IQCM: variants seen among roughly 807,000 people sequenced by gnomAD.
IQCM encodes the protein IQ domain-containing protein M.
In IQCM, 45 loss-of-function variants were observed where a neutral mutation model predicts 57.6. The ratio of observed to expected loss-of-function variants is 0.78; its 90% CI spans 0.62 to 1.00. IQCM has a LOEUF of 1.00. Ranked by LOEUF, IQCM falls within the 50% of genes least tolerant of loss-of-function variation. The pLI is 0.00. For missense variants in IQCM, 468 were observed against 511.6 expected (o/e 0.91, Z 0.82); for synonymous variants, 148 against 158.9 (o/e 0.93, Z 0.51).
chr4:149,738,068 A>C (rs1404259002), intron 3 of IQCM, among the ~76,000 whole-genome samples: 1 of 152,158 alleles, frequency 6.6e-6, no homozygotes, highest in African/African-American at 2.4e-5. Flanking sequence ...TTCAGACAAG[A>C]CCTTAGAGAT....
chr4:149,621,141 C>T lies in IQCM; in HGVS notation c.669G>A (p.Arg223=). 1 of 1,223,330 alleles carries T rather than the reference C, an allele frequency of 8.2e-7. No homozygotes were observed. Among genetic ancestry groups the T allele is most frequent in the Non-Finnish European group, 1.0e-6 (1 of 980,110 alleles). 75.8% of individuals were successfully genotyped at this position (1,223,330 alleles called of 1,614,324 possible). The part of the protein sequence containing the change: ...VSFSQSSSIF[R]DYYSKTFKTL... Reference sequence around the variant, plus strand: ...TATAAATACTTACAGAATAATAATCCCGAAATATTGATGATGATTGAGAGA... The same window carrying T: ...TATAAATACTTACAGAATAATAATCTCGAAATATTGATGATGATTGAGAGA... The change falls in exon 8 of 14, where the codon CGG becomes CGA. Residue 223 remains arginine (R), a synonymous_variant. Transcript: ENST00000636793.
At chr4:149,539,981 C>A (rs1252523922) in intron 12 of IQCM, among the ~76,000 whole-genome samples, 1 of 152,104 alleles carries the variant, frequency 6.6e-6, no homozygotes, top group Non-Finnish European at 1.5e-5. Flanking sequence ...TGTCTCCTCC[C>A]AAAATTAACC....
chr4:149,414,483 C>G (rs1387565136), intron 13 of IQCM, among the ~76,000 whole-genome samples: 1 of 152,072 alleles, frequency 6.6e-6, no homozygotes, highest in Non-Finnish European at 1.5e-5. Flanking sequence ...TTTTGGAAAG[C>G]AGAGATGTGA....
Position 149,796,274 on chromosome 4 carries a change from A to C in IQCM, c.-49+19037T>G, listed in dbSNP as rs186927688. Among the ~76,000 whole-genome samples, 51 of 152,318 alleles carry C rather than the reference A, an allele frequency of 3.3e-4. 1 individual carries two copies. The highest frequency in any genetic ancestry group is 2.9e-3 in the Admixed American group (44 of 15,304). ...AAGAAAACATAAGCAGTAGTCTGGC[A>C]GTACTCCTCCTGTGCCTGAGGTGGT... is the stretch of plus-strand genomic sequence containing the variant. On this transcript the variant is annotated intron_variant, in intron 2 of 13. Transcript: ENST00000636793.
intron 13 of IQCM, among the ~76,000 whole-genome samples, chr4:149,378,304 C>T (rs1242322689): frequency 6.6e-6 from 1 of 152,046 alleles, no homozygotes; most frequent in Non-Finnish European, 1.5e-5. Context: ...AACTGGGTAA[C>T]AGGCAGGCAG....
intron 5 of IQCM, among the ~76,000 whole-genome samples, chr4:149,714,512 A>C (rs1284690613): frequency 6.6e-6 from 1 of 152,092 alleles, no homozygotes; most frequent in African/African-American, 2.4e-5. Context: ...AACATTTCAG[A>C]CTTTATATAG....
At chr4:149,608,303 A>G (rs1754976613) in intron 8 of IQCM, among the ~76,000 whole-genome samples, 3 of 151,996 alleles carry the variant, frequency 2.0e-5, no homozygotes, top group African/African-American at 7.2e-5. Flanking sequence ...ATAGACTCCA[A>G]TATAATCATA....
chr4:149,368,971 TATGTGTATATATATAC>T lies in IQCM; in HGVS notation c.1391-16921_1391-16906del, dbSNP rs1730136339. On this transcript the variant is annotated intron_variant, in intron 13 of 13. Transcript: ENST00000636793. ...GTATATATATACACGTGTATATATA[TATGTGTATATATATAC>T]ACGTGTATATATATATATATACACG... Among the ~76,000 whole-genome samples the T allele has an allele frequency of 8.5e-5, 4 of 46,946 alleles. 2 individuals carry two copies. The highest frequency in any genetic ancestry group is 2.9e-4 in the African/African-American group (4 of 14,008). The allele number at this position is 46,946 out of a possible 152,430, so 30.8% of individuals were successfully genotyped here.
At chr4:149,704,028 C>T (rs568430391) in intron 5 of IQCM, among the ~76,000 whole-genome samples, 3 of 151,862 alleles carry the variant, frequency 2.0e-5, no homozygotes, top group South Asian at 2.1e-4. Context: ...GAGCAGGAGC[C>T]TCCAATTTTC....
intron 7 of IQCM, among the ~76,000 whole-genome samples, chr4:149,668,105 A>C (rs561400938): frequency 2.4e-4 from 36 of 152,222 alleles, no homozygotes; most frequent in African/African-American, 7.7e-4. Flanking sequence ...CGAGAAGAGC[A>C]ATCCCAAGAC....
intron 2 of IQCM, among the ~76,000 whole-genome samples, chr4:149,787,079 C>T (rs999230359): frequency 1.3e-5 from 2 of 152,036 alleles, no homozygotes; most frequent in Non-Finnish European, 2.9e-5. Context: ...AACACAGGAA[C>T]GGAAAACCAA....
intron 12 of IQCM, among the ~76,000 whole-genome samples, chr4:149,438,842 T>C (rs1316872689): frequency 6.6e-6 from 1 of 151,994 alleles, no homozygotes; most frequent in Non-Finnish European, 1.5e-5. Flanking sequence ...TTAAATGATA[T>C]GCCAATAAAT....
chr4:149,791,840 A>G (rs1772650100), intron 2 of IQCM, among the ~76,000 whole-genome samples: 1 of 152,234 alleles, frequency 6.6e-6, no homozygotes, highest in African/African-American at 2.4e-5. Flanking sequence ...TATTGCAAAC[A>G]GTACATATTT....
chr4:149,365,998 T>C (rs996267828), intron 13 of IQCM, among the ~76,000 whole-genome samples: 2 of 152,116 alleles, frequency 1.3e-5, no homozygotes, highest in African/African-American at 4.8e-5. Flanking sequence ...TTCTTAGTTT[T>C]CACAATTGTA....
chr4:149,632,519 A>G lies in IQCM; in HGVS notation c.566-11275T>C, dbSNP rs189903262. Among the ~76,000 whole-genome samples the G allele has an allele frequency of 2.9e-3, 443 of 152,286 alleles. 7 individuals carry two copies. Among genetic ancestry groups the G allele is most frequent in the African/African-American group, 0.01 (417 of 41,562 alleles). On this transcript the variant is annotated intron_variant, in intron 7 of 13. Coordinates refer to ENST00000636793, the MANE Select transcript of IQCM (RefSeq NM_001363507.2). The stretch of plus-strand genomic sequence containing the variant: ...CTGTTTTTGATGACCAGCTTGTCAG[A>G]AGATTGAAGGTCACTAATGTAACAT...
chr4:149,765,468 G>A (rs1037190961), intron 2 of IQCM, among the ~76,000 whole-genome samples: 1 of 152,048 alleles, frequency 6.6e-6, no homozygotes, highest in Non-Finnish European at 1.5e-5. Flanking sequence ...AACCTCACAA[G>A]CTAACTGTCC....
At chr4:149,625,298 T>A (rs1756697216) in intron 7 of IQCM, among the ~76,000 whole-genome samples, 1 of 152,234 alleles carries the variant, frequency 6.6e-6, no homozygotes, top group Non-Finnish European at 1.5e-5. Flanking sequence ...CACCTTCTTT[T>A]GTTTGTTTAT....
chr4:149,382,064 C>A (rs144073221), intron 13 of IQCM, among the ~76,000 whole-genome samples: 2 of 152,062 alleles, frequency 1.3e-5, no homozygotes, highest in Non-Finnish European at 2.9e-5. Context: ...CGTGCCTGGC[C>A]CTCCATAGTA....
chr4:149,709,709 G>A (rs1196193539), intron 5 of IQCM, among the ~76,000 whole-genome samples: 1 of 152,060 alleles, frequency 6.6e-6, no homozygotes, highest in Non-Finnish European at 1.5e-5. Flanking sequence ...TTTATTAAGT[G>A]TGGCACATTT....
Sources: gnomAD v4.1 joint callset for allele counts (sites outside exome capture counted in the v4.1 genomes callset) on GRCh38, gnomAD v4.1.1 for gene constraint, MANE v1.5 for transcripts, NCBI Gene and HGNC (gene_info 2026-07-23, HGNC 2026-07-21) for gene names.